Variants in SSC5D observed in about 807,000 individuals in gnomAD.
The protein encoded by SSC5D is soluble scavenger receptor cysteine-rich domain-containing protein SSC5D.
SSC5D carries 106 observed loss-of-function variants against 104.6 expected under a neutral mutation model. The observed-to-expected ratio is 1.01, with a 90% CI of 0.87 to 1.19. The LOEUF is 1.19. SSC5D is among the 50% of genes most tolerant of loss of function. The pLI, the probability that SSC5D is intolerant of heterozygous loss-of-function variation, is 0.00. For missense variants in SSC5D, 1,993 were observed against 2,153.8 expected, an observed-to-expected ratio of 0.93 and a Z score of 1.48; for synonymous variants, 860 against 883.5, an observed-to-expected ratio of 0.97 and a Z score of 0.47.
intron 7 of SSC5D, 81 bp downstream of exon 7, chr19:55,493,993 G>GGGGGGGCC: frequency 4.0e-6 from 1 of 247,914 alleles, no homozygotes; most frequent in Non-Finnish European, 8.2e-6. Context: ...GGGGCGGGGG[G>GGGGGGGCC]GTCCCTACGC....
intron 13 of SSC5D, among the ~76,000 whole-genome samples, chr19:55,516,907 C>T (rs950582793): frequency 2.6e-5 from 4 of 152,068 alleles, no homozygotes; most frequent in Admixed American, 2.6e-4. Flanking sequence ...CGCCCCCTCC[C>T]GCACCCCAGC....
At chr19:55,509,455 C>T (rs914186456) in intron 12 of SSC5D, among the ~76,000 whole-genome samples, 2 of 152,090 alleles carry the variant, frequency 1.3e-5, no homozygotes, top group Non-Finnish European at 2.9e-5. Flanking sequence ...TGGGAGTAAC[C>T]GAAATGCCCA....
At chr19:55,514,283 T>C (rs1987818557) in intron 13 of SSC5D, among the ~76,000 whole-genome samples, 1 of 151,866 alleles carries the variant, frequency 6.6e-6, no homozygotes, top group Non-Finnish European at 1.5e-5. Flanking sequence ...TAGGCACCTA[T>C]GGTCCCAGCT....
Position 55,518,987 on chromosome 19 carries a change from G to T in SSC5D, c.4711G>T (p.Gly1571Ter). 6.5e-7 allele frequency: 1 copy of T among 1,550,274 alleles called. No individual in the cohort carries two copies. Among genetic ancestry groups the T allele is most frequent in the Non-Finnish European group, 8.7e-7 (1 of 1,146,914 alleles). Residue 1571 changes from glycine to a stop codon, truncating the protein, a stop_gained, in exon 14 of 14, where the codon GGA becomes TGA. Transcript: ENST00000389623. LOFTEE classifies it high-confidence loss of function. ...TPEEEERPLRGDV is the reference protein window; with the variant it reads ...TPEEEERPLR ...AGAGGAAGAAGAAAGACCCCTGAGG[G>T]GAGACGTGTGACCCTCTCCAGGATT... is the stretch of plus-strand genomic sequence containing the variant.
intron 8 of SSC5D, among the ~76,000 whole-genome samples, chr19:55,495,901 A>ATTTTTTTT (rs36109915): frequency 1.0e-5 from 1 of 98,710 alleles, no homozygotes; most frequent in African/African-American, 4.1e-5. Context: ...GAGCCTGGCT[A>ATTTTTTTT]TTTTTTTTTT....
At chr19:55,504,352 T>C in intron 12 of SSC5D, 2 of 1,391,888 alleles carry the variant, frequency 1.4e-6, no homozygotes, top group South Asian at 3.3e-5. Flanking sequence ...GACAGCCATG[T>C]GTGCCACCTT....
chr19:55,490,908 TG>T lies in SSC5D; in HGVS notation c.730del (p.Ala244ArgfsTer192), dbSNP rs767977162. 4.5e-6 allele frequency: 7 copies of T among 1,544,860 alleles called. No individual in the cohort carries two copies. Among genetic ancestry groups the T allele is most frequent in the Admixed American group, 2.0e-5 (1 of 50,326 alleles). ...CTGTAGCCTGCCGGGAACTGGGCTG[TG>T]GGGGGGCGCTGGCTGCCCCCGGCGG... ...AAVACRELGC[G>X]GALAAPGGAR... On this transcript the variant is annotated frameshift_variant, in exon 6 of 14. Transcript: ENST00000389623. LOFTEE classifies it high-confidence loss of function.
intron 12 of SSC5D, among the ~76,000 whole-genome samples, chr19:55,512,078 C>G (rs1328241886): frequency 6.6e-6 from 1 of 151,644 alleles, no homozygotes; most frequent in Admixed American, 6.6e-5. Context: ...GTGGCTCACA[C>G]CTGTAGCTCA....
chr19:55,504,031 G>C, intron 12 of SSC5D: 1 of 1,324,024 alleles, frequency 7.6e-7, no homozygotes, highest in East Asian at 2.6e-5. Context: ...TGGGGAAAGG[G>C]AGGGAGGAAG....
intron 8 of SSC5D, among the ~76,000 whole-genome samples, chr19:55,496,688 C>T (rs1247198012): frequency 2.6e-5 from 4 of 151,256 alleles, no homozygotes; most frequent in African/African-American, 9.7e-5. Flanking sequence ...CCAGGGCGCA[C>T]GTTCTTTAAA....
intron 12 of SSC5D, among the ~76,000 whole-genome samples, chr19:55,505,548 A>G (rs1987620664): frequency 6.6e-6 from 1 of 151,776 alleles, no homozygotes; most frequent in African/African-American, 2.4e-5. Flanking sequence ...AGGCGCCAGC[A>G]GGGTGGTTCC....
rs1183974598 is a variant in SSC5D at position 55,493,754 on chromosome 19, C to T, written c.1055C>T (p.Ala352Val). 5.9e-6 allele frequency: 9 copies of T among 1,526,418 alleles called. No homozygotes were observed. The highest frequency in any genetic ancestry group is 7.9e-6 in the Non-Finnish European group (9 of 1,138,110). 94.6% of individuals were successfully genotyped at this position (1,526,418 alleles called of 1,614,324 possible). A position where few individuals can be genotyped will look rare whatever the true frequency, so the allele number is the denominator to read the frequency against. The change falls in exon 7 of 14, where the codon GCC becomes GTC. Residue 352 changes from alanine (A) to valine (V), a missense_variant. Physicochemically the swap from Ala to Val is moderately conservative, Grantham distance 64. Transcript: ENST00000389623. ...GAGCTGGGCTGCGGAGGGGCGCTGG[C>T]CGCCCCCGGGGGCGCCTTCTTTGGG... Reference protein sequence around the residue: ...CRELGCGGALAAPGGAFFGEG... With the variant: ...CRELGCGGALVAPGGAFFGEG...
rs1312027374 is a variant in SSC5D, at chr19:55,503,681, A to C, written c.2785+2480A>C. Among the ~76,000 whole-genome samples, 6 of 143,474 alleles carry C rather than the reference A, an allele frequency of 4.2e-5. No homozygotes were observed. The highest frequency in any genetic ancestry group is 7.8e-5 in the African/African-American group (3 of 38,482). The allele number at this position is 143,474 out of a possible 152,430, so 94.1% of individuals were successfully genotyped here. On this transcript the variant is annotated intron_variant, in intron 12 of 13. Coordinates refer to ENST00000389623, the MANE Select transcript of SSC5D (RefSeq NM_001144950.2). This position sits in a 1 kb window ranked among gnomAD's most constrained non-coding sequence, Gnocchi z 4.0. ...TTTCTCCGTCTTCTCCCTCCCTTCC[A>C]CTCTCCCGCCCTGCTCGCCGTCTGG... is the stretch of plus-strand genomic sequence containing the variant.
rs1987464273 is a variant in SSC5D, at chr19:55,500,593, C to T, written c.2406C>T (p.Asp802=). Residue 802 remains aspartate, a synonymous_variant, in exon 11 of 14, where the codon GAC becomes GAT. Transcript: ENST00000389623. This position sits in a 1 kb window ranked among gnomAD's most constrained non-coding sequence, Gnocchi z 4.6. ...RWGTVCDDNW[D]LRDATVACWE... ...GAACAGTGTGTGATGACAACTGGGA[C>T]CTGCGGGACGCCACTGTGGCCTGCT... is the stretch of plus-strand genomic sequence containing the variant. 1.9e-6 allele frequency: 3 copies of T among 1,551,730 alleles called. No homozygotes were observed. The highest frequency in any genetic ancestry group is 2.6e-6 in the Non-Finnish European group (3 of 1,147,006).
chr19:55,517,540 C>T lies in SSC5D; in HGVS notation c.3264C>T (p.Pro1088=). 1 of 1,551,582 alleles carries T rather than the reference C, an allele frequency of 6.4e-7. No homozygotes were observed. Among genetic ancestry groups the T allele is most frequent in the Non-Finnish European group, 8.7e-7 (1 of 1,147,032 alleles). The change falls in exon 14 of 14, where the codon CCC becomes CCT. Residue 1088 remains proline (P), a synonymous_variant. Transcript: ENST00000389623. ...VVPALTPEPS[P]TPLPTLPKEL... ...CCGCGTTGACCCCGGAGCCCTCACC[C>T]ACGCCCTTACCCACCTTGCCCAAAG... is the stretch of plus-strand genomic sequence containing the variant.
chr19:55,490,127 G>T, intron 4 of SSC5D, 132 bp downstream of exon 4: 1 of 634,524 alleles, frequency 1.6e-6, no homozygotes, highest in Non-Finnish European at 2.7e-6. Flanking sequence ...AGGGACCTCT[G>T]CAGTATGAAC....
intron 12 of SSC5D, among the ~76,000 whole-genome samples, chr19:55,506,202 G>A (rs1319588036): frequency 6.6e-6 from 1 of 151,494 alleles, no homozygotes; most frequent in African/African-American, 2.4e-5. Flanking sequence ...TTGGGCGAGG[G>A]GCATATTATC....
chr19:55,510,398 G>C (rs1046409616), intron 12 of SSC5D, among the ~76,000 whole-genome samples: 2 of 152,106 alleles, frequency 1.3e-5, no homozygotes, highest in African/African-American at 2.4e-5. Context: ...GCCCAGGCTT[G>C]AGTGCAGTGA....
At chr19:55,490,722 T>G in intron 5 of SSC5D, 50 bp from the exon 6 acceptor site, 1 of 1,438,796 alleles carries the variant, frequency 7.0e-7, no homozygotes, top group Non-Finnish European at 9.1e-7. Context: ...GAAGGGGTGT[T>G]TGAATCATTT....
Sources: gnomAD v4.1 joint callset for allele counts (sites outside exome capture counted in the v4.1 genomes callset) on GRCh38, gnomAD v4.1.1 for gene constraint, Gnocchi (gnomAD v3.1) non-coding constraint, MANE v1.5 for transcripts, NCBI Gene and HGNC (gene_info 2026-07-23, HGNC 2026-07-21) for gene names.